Variants in ETV7 observed in about 807,000 individuals in gnomAD.
ETV7 encodes the protein ETS variant transcription factor 7.
Under a neutral mutation model 39.1 loss-of-function variants are expected in ETV7, and 43 were observed. The observed-to-expected ratio is 1.10, with a 90% CI of 0.86 to 1.42. The LOEUF is 1.42. ETV7 is among the 40% of genes most tolerant of loss of function. ETV7 has a pLI of 0.00. For missense variants in ETV7, 432 were observed against 442.3 expected, an observed-to-expected ratio of 0.98 and a Z score of 0.21; for synonymous variants, 196 against 176.6, an observed-to-expected ratio of 1.11 and a Z score of -0.87.
intron 3 of ETV7, among the ~76,000 whole-genome samples, chr6:36,374,757 G>C (rs1773224965): frequency 6.6e-6 from 1 of 152,200 alleles, no homozygotes; most frequent in African/African-American, 2.4e-5. Context: ...GAGGCTCACA[G>C]TGGGAAGTGG....
At chr6:36,360,931 A>G (rs916882250) in intron 7 of ETV7, among the ~76,000 whole-genome samples, 1 of 152,160 alleles carries the variant, frequency 6.6e-6, no homozygotes, top group Non-Finnish European at 1.5e-5. Context: ...TACTGTCCCC[A>G]ATAGGCACAC....
At chr6:36,364,705 C>G (rs891494665), downstream of ETV7, among the ~76,000 whole-genome samples, 9 of 152,282 alleles carry the variant, frequency 5.9e-5, no homozygotes, top group African/African-American at 2.2e-4. Flanking sequence ...ATGAAGGGCT[C>G]CTCAAGTGCC....
downstream of ETV7, among the ~76,000 whole-genome samples, chr6:36,363,408 G>A (rs534990117): frequency 6.6e-6 from 1 of 151,738 alleles, no homozygotes; most frequent in Non-Finnish European, 1.5e-5. Flanking sequence ...GCTGGCTCCA[G>A]GAGTGAAGCT....
chr6:36,372,069 C>T (rs1773057211), intron 4 of ETV7, among the ~76,000 whole-genome samples: 1 of 152,168 alleles, frequency 6.6e-6, no homozygotes, highest in South Asian at 2.1e-4. Flanking sequence ...AAATAAATCA[C>T]CCTAAGGCAG....
At chr6:36,372,504 C>G (rs1773081981) in intron 4 of ETV7, among the ~76,000 whole-genome samples, 1 of 151,484 alleles carries the variant, frequency 6.6e-6, no homozygotes, top group African/African-American at 2.4e-5. Context: ...GCAAGGAGAC[C>G]AGTGAGGACG....
chr6:36,369,169 C>A, intron 5 of ETV7, 98 bp from the exon 6 acceptor site: 1 of 1,369,808 alleles, frequency 7.3e-7, no homozygotes, highest in East Asian at 2.3e-5. Context: ...GGCCAGAGCC[C>A]TAGGAGCACC....
downstream of ETV7, among the ~76,000 whole-genome samples, chr6:36,362,471 G>A (rs1772525373): frequency 6.6e-6 from 1 of 151,820 alleles, no homozygotes; most frequent in South Asian, 2.1e-4. Context: ...AAAAAAATTT[G>A]TGAGAAGTTC....
chr6:36,364,224 G>C (rs1772630501), downstream of ETV7, among the ~76,000 whole-genome samples: 1 of 152,256 alleles, frequency 6.6e-6, no homozygotes, highest in African/African-American at 2.4e-5. Flanking sequence ...CCGGCGCCGT[G>C]AGCCCGCACT....
intron 7 of ETV7, among the ~76,000 whole-genome samples, chr6:36,356,926 C>T (rs1490009809): frequency 2.0e-5 from 3 of 152,196 alleles, no homozygotes; most frequent in Non-Finnish European, 4.4e-5. Flanking sequence ...CCCGTGAAAA[C>T]ATCATCACAG....
At position 36,366,587 on chromosome 6, in the gene ETV7, T is replaced by G. The variant is rs975577310; in HGVS notation, c.*58A>C. ...CTCTGCTGGGAGGAGGAGTCTGCCT[T>G]CATGGGAGACTCGGTCCCTGCCCCA... On this transcript the variant is annotated 3_prime_UTR_variant, in exon 8 of 8. Coordinates refer to ENST00000340181, the MANE Select transcript of ETV7 (RefSeq NM_016135.4). 1.6e-5 allele frequency: 26 copies of G among 1,611,648 alleles called. No individual in the cohort carries two copies. Among genetic ancestry groups the G allele is most frequent in the Admixed American group, 5.0e-5 (3 of 59,942 alleles).
intron 7 of ETV7, among the ~76,000 whole-genome samples, chr6:36,355,409 T>G (rs917400709): frequency 1.3e-5 from 2 of 151,960 alleles, no homozygotes; most frequent in African/African-American, 4.8e-5. Flanking sequence ...TTTTTTTTTT[T>G]GAGACAGAGT....
At chr6:36,369,838 T>C (rs1181992656) in intron 5 of ETV7, among the ~76,000 whole-genome samples, 1 of 151,922 alleles carries the variant, frequency 6.6e-6, no homozygotes, top group African/African-American at 2.4e-5. Context: ...CCCAGGAATT[T>C]GAGGCAGCAG....
chr6:36,377,620 C>T (rs1296836193), intron 2 of ETV7, among the ~76,000 whole-genome samples: 12 of 152,182 alleles, frequency 7.9e-5, no homozygotes, highest in Admixed American at 7.9e-4. Context: ...CCAGCCTCTG[C>T]TCCCTTATAC....
In ETV7 at chr6:36,381,211, A is replaced by G. The variant is rs115652408; in HGVS notation, c.142+4323T>C. Among the ~76,000 whole-genome samples, 908 of 152,270 alleles carry G rather than the reference A, an allele frequency of 6.0e-3. 8 individuals are homozygous for G. Among genetic ancestry groups the G allele is most frequent in the African/African-American group, 0.021 (858 of 41,554 alleles). ...AGTTAAAGTGCTTGGCCAGTACCCT[A>G]AAAATGGGAGCTATCATCATCTGAG... is the stretch of plus-strand genomic sequence containing the variant. On this transcript the variant is annotated intron_variant, in intron 2 of 7. Transcript: ENST00000340181.
At chr6:36,362,130 C>T (rs913578613), downstream of ETV7, among the ~76,000 whole-genome samples, 1 of 151,962 alleles carries the variant, frequency 6.6e-6, no homozygotes, top group South Asian at 2.1e-4. Flanking sequence ...AACCTTGTCT[C>T]TACTAAAAAT....
At chr6:36,363,104 G>C (rs182516027), downstream of ETV7, among the ~76,000 whole-genome samples, 3 of 152,354 alleles carry the variant, frequency 2.0e-5, no homozygotes, top group Non-Finnish European at 2.9e-5. Context: ...TCCTAAGCCA[G>C]GTATGCAGCT....
intron 7 of ETV7, among the ~76,000 whole-genome samples, chr6:36,355,914 T>G (rs1188330380): frequency 6.6e-6 from 1 of 152,136 alleles, no homozygotes; most frequent in African/African-American, 2.4e-5. Flanking sequence ...CTTAAAAACC[T>G]CTCATTACAG....
intron 7 of ETV7, among the ~76,000 whole-genome samples, chr6:36,355,448 G>A (rs1481029227): frequency 1.3e-5 from 2 of 151,480 alleles, no homozygotes; most frequent in African/African-American, 2.4e-5. Context: ...CTGGAGTGCA[G>A]TGGCATGATC....
At chr6:36,371,307 C>G in intron 5 of ETV7, 23 bp downstream of exon 5, 1 of 1,560,228 alleles carries the variant, frequency 6.4e-7, no homozygotes, top group Non-Finnish European at 8.7e-7. Flanking sequence ...CTTCCATGGC[C>G]AGAGGAACAG....
Sources: gnomAD v4.1 joint callset for allele counts (sites outside exome capture counted in the v4.1 genomes callset) on GRCh38, gnomAD v4.1.1 for gene constraint, MANE v1.5 for transcripts, NCBI Gene and HGNC (gene_info 2026-07-23, HGNC 2026-07-21) for gene names.